Variants in ZNF804A observed in about 807,000 individuals in gnomAD.
ZNF804A encodes the protein zinc finger protein 804A.
A neutral mutation model predicts 16.5 loss-of-function variants in ZNF804A; 2 were observed. The ratio of observed to expected loss-of-function variants is 0.12; its 90% confidence interval spans 0.05 to 0.38. ZNF804A has a LOEUF of 0.38. Among genes scored for constraint, ZNF804A ranks in the 10% least tolerant of loss-of-function variants. ZNF804A has a pLI of 0.99. For synonymous variants in ZNF804A, 534 were observed against 489.6 expected (o/e 1.09, Z -1.20); for missense variants, 1,473 against 1,390.7 (o/e 1.06, Z -0.94).
intron 1 of ZNF804A, among the ~76,000 whole-genome samples, chr2:184,675,318 C>CT (rs1222141323): frequency 9.2e-5 from 14 of 151,756 alleles, no homozygotes; most frequent in African/African-American, 3.4e-4. Context: ...TTTACAACTA[C>CT]TGCTGTTATT....
intron 1 of ZNF804A, among the ~76,000 whole-genome samples, chr2:184,637,655 AT>A (rs1201628210): frequency 6.6e-6 from 1 of 152,222 alleles, no homozygotes; most frequent in Non-Finnish European, 1.5e-5. Flanking sequence ...TTAATATGTT[AT>A]AAAATACTCT....
chr2:184,644,773 T>C (rs1299419838), intron 1 of ZNF804A, among the ~76,000 whole-genome samples: 1 of 152,020 alleles, frequency 6.6e-6, no homozygotes, highest in Non-Finnish European at 1.5e-5. Context: ...TACCTTGCTT[T>C]TCATTTTAAG....
At chr2:184,783,855 A>G (rs1694408879) in intron 1 of ZNF804A, among the ~76,000 whole-genome samples, 1 of 151,942 alleles carries the variant, frequency 6.6e-6, no homozygotes, top group Non-Finnish European at 1.5e-5. Context: ...CCTTGTTTGT[A>G]TTACAGAAAG....
At chr2:184,778,590 C>T (rs1056064827) in intron 1 of ZNF804A, among the ~76,000 whole-genome samples, 3 of 151,494 alleles carry the variant, frequency 2.0e-5, no homozygotes, top group Non-Finnish European at 4.4e-5. Context: ...AACATTAGCC[C>T]AAGATATGCA....
At chr2:184,896,163 A>C (rs1464019947) in intron 2 of ZNF804A, among the ~76,000 whole-genome samples, 1 of 152,134 alleles carries the variant, frequency 6.6e-6, no homozygotes, top group Admixed American at 6.5e-5. Context: ...CGACCTACCT[A>C]GTATCAATCA....
At chr2:184,722,099 G>T (rs554800687) in intron 1 of ZNF804A, among the ~76,000 whole-genome samples, 32 of 152,044 alleles carry the variant, frequency 2.1e-4, no homozygotes, top group African/African-American at 7.5e-4. Context: ...GTGGGTGCGC[G>T]TGTGTATGGG....
At chr2:184,858,241 C>T (rs1322248907) in intron 1 of ZNF804A, among the ~76,000 whole-genome samples, 2 of 151,962 alleles carry the variant, frequency 1.3e-5, no homozygotes, top group Non-Finnish European at 2.9e-5. Flanking sequence ...CAGTGGCTCA[C>T]ACCTGTAATC....
chr2:184,772,265 C>CAA (rs71403989), intron 1 of ZNF804A, among the ~76,000 whole-genome samples: 41 of 132,126 alleles, frequency 3.1e-4, no homozygotes, highest in African/African-American at 8.7e-4. Flanking sequence ...TCCCCTTGAC[C>CAA]AAAAAAAAAA....
intron 1 of ZNF804A, among the ~76,000 whole-genome samples, chr2:184,649,066 G>A (rs989562773): frequency 3.3e-5 from 5 of 151,808 alleles, no homozygotes; most frequent in African/African-American, 4.8e-5. Flanking sequence ...AAAAAAAATC[G>A]AAATTATATT....
At chr2:184,931,660 C>T (rs1189083996) in intron 2 of ZNF804A, among the ~76,000 whole-genome samples, 1 of 152,166 alleles carries the variant, frequency 6.6e-6, no homozygotes, top group Non-Finnish European at 1.5e-5. Context: ...TGACATGCCT[C>T]GGAGATATTT....
chr2:184,867,624 T>C (rs1301264846), intron 2 of ZNF804A, among the ~76,000 whole-genome samples: 1 of 152,116 alleles, frequency 6.6e-6, no homozygotes, highest in Non-Finnish European at 1.5e-5. Context: ...TTTCCCCTGG[T>C]AGTAGATCTG....
At chr2:184,671,170 A>G (rs1405829122) in intron 1 of ZNF804A, among the ~76,000 whole-genome samples, 18 of 152,276 alleles carry the variant, frequency 1.2e-4, no homozygotes, top group Admixed American at 6.5e-4. Context: ...TGTGCCACCT[A>G]AAGTTTTGTT....
chr2:184,626,169 G>T (rs957658239), intron 1 of ZNF804A, among the ~76,000 whole-genome samples: 5 of 151,786 alleles, frequency 3.3e-5, no homozygotes, highest in Non-Finnish European at 7.4e-5. Flanking sequence ...CGCCCGGCCC[G>T]GATTTCTTAA....
chr2:184,815,424 G>C (rs1362169227), intron 1 of ZNF804A, among the ~76,000 whole-genome samples: 1 of 151,730 alleles, frequency 6.6e-6, no homozygotes, highest in Non-Finnish European at 1.5e-5. Flanking sequence ...ATTGTGCTAT[G>C]TTCATAATTC....
At chr2:184,728,255 C>G (rs1464886653) in intron 1 of ZNF804A, among the ~76,000 whole-genome samples, 1 of 151,702 alleles carries the variant, frequency 6.6e-6, no homozygotes, top group Non-Finnish European at 1.5e-5. Context: ...TCTGAGGATA[C>G]AAATATTAAT....
At chr2:184,768,908 T>C (rs1416670204) in intron 1 of ZNF804A, among the ~76,000 whole-genome samples, 1 of 152,058 alleles carries the variant, frequency 6.6e-6, no homozygotes, top group Non-Finnish European at 1.5e-5. Context: ...TTAGTCGATT[T>C]TGTCTCATCT....
At chr2:184,749,719 G>T (rs1693846953) in intron 1 of ZNF804A, among the ~76,000 whole-genome samples, 1 of 151,216 alleles carries the variant, frequency 6.6e-6, no homozygotes, top group Non-Finnish European at 1.5e-5. Flanking sequence ...TTGGATGTAA[G>T]AAATGAATTC....
intron 1 of ZNF804A, among the ~76,000 whole-genome samples, chr2:184,822,321 A>G (rs906573693): frequency 1.3e-5 from 2 of 152,108 alleles, no homozygotes; most frequent in African/African-American, 4.8e-5. Context: ...AGAAAACCAA[A>G]CACCACATAT....
chr2:184,789,877 G>A (rs1168417137), intron 1 of ZNF804A, among the ~76,000 whole-genome samples: 2 of 151,570 alleles, frequency 1.3e-5, no homozygotes, highest in East Asian at 1.9e-4. Context: ...CTTTGGGGTT[G>A]GTTTTCTGTT....
Sources: allele counts gnomAD v4.1 joint callset (sites outside exome capture counted in the v4.1 genomes callset), GRCh38; gene constraint gnomAD v4.1.1; transcripts MANE v1.5; gene names NCBI Gene and HGNC (gene_info 2026-07-23, HGNC 2026-07-21).